SEMA5B: variants seen among roughly 807,000 people sequenced by gnomAD.
SEMA5B encodes the protein semaphorin-5B.
In SEMA5B, 66 loss-of-function variants were observed where a neutral mutation model predicts 135.0. The observed-to-expected ratio is 0.49, with a 90% CI of 0.40 to 0.60. The LOEUF is 0.60. Among genes scored for constraint, SEMA5B ranks in the 20% least tolerant of loss-of-function variants. SEMA5B has a pLI of 0.00. For missense variants in SEMA5B, 1,501 were observed against 1,566.3 expected (o/e 0.96, Z 0.70); for synonymous variants, 690 against 639.5 (o/e 1.08, Z -1.19).
chr3:122,957,055 A>G (rs182220560), intron 2 of SEMA5B, among the ~76,000 whole-genome samples: 73 of 152,310 alleles, frequency 4.8e-4, no homozygotes, highest in Middle Eastern at 6.8e-3. Context: ...GGAGAGAGGC[A>G]GAGAGGGAGA....
At chr3:123,014,695 G>A (rs1942514302) in intron 1 of SEMA5B, among the ~76,000 whole-genome samples, 1 of 152,228 alleles carries the variant, frequency 6.6e-6, no homozygotes, top group Non-Finnish European at 1.5e-5. Context: ...TACGTTGGCT[G>A]ACAGAGGCAG....
chr3:122,910,459 A>T (rs1340452149), intron 22 of SEMA5B, among the ~76,000 whole-genome samples, 158 bp from the exon 23 acceptor site: 1 of 152,160 alleles, frequency 6.6e-6, no homozygotes, highest in Non-Finnish European at 1.5e-5. Context: ...CACCCAGCTG[A>T]GGGCCAGAAC....
intron 1 of SEMA5B, among the ~76,000 whole-genome samples, chr3:122,967,878 G>A (rs938887785): frequency 2.0e-5 from 3 of 152,246 alleles, no homozygotes; most frequent in Non-Finnish European, 2.9e-5. Context: ...CTGGTGTCAA[G>A]ACTAAGCTCT....
At chr3:122,936,918 T>C (rs1939317176) in intron 5 of SEMA5B, among the ~76,000 whole-genome samples, 1 of 152,226 alleles carries the variant, frequency 6.6e-6, no homozygotes, top group Non-Finnish European at 1.5e-5. Context: ...AATTGTTTAA[T>C]AGGGGTTAGG....
Position 123,010,348 on chromosome 3 carries a change from T to C in SEMA5B, c.-39+17116A>G, listed in dbSNP as rs1942410406. Among the ~76,000 whole-genome samples, 3 of 152,298 alleles carry C rather than the reference T, an allele frequency of 2.0e-5. No individual in the cohort carries two copies. The South Asian group carries it at 6.2e-4, about 32-fold the overall frequency. On this transcript the variant is annotated intron_variant, in intron 1 of 22. Coordinates refer to ENST00000357599, the MANE Select transcript of SEMA5B (RefSeq NM_001031702.4). ...AGAATTTCTTCACCTCTAAAATGGG[T>C]ATAACAGTACCAAACTCAGAACTTA...
intron 5 of SEMA5B, among the ~76,000 whole-genome samples, chr3:122,935,554 G>C (rs1197284641): frequency 2.0e-5 from 3 of 152,022 alleles, no homozygotes; most frequent in Admixed American, 6.6e-5. Context: ...TTTCATCCTT[G>C]TACCTCATCC....
intron 1 of SEMA5B, among the ~76,000 whole-genome samples, chr3:122,996,700 T>C (rs750913705): frequency 1.3e-5 from 2 of 152,198 alleles, no homozygotes; most frequent in African/African-American, 2.4e-5. Context: ...ACCAGCCTCC[T>C]CAGCCCTTCA....
intron 2 of SEMA5B, among the ~76,000 whole-genome samples, chr3:122,953,268 C>T (rs1940137471): frequency 6.6e-6 from 1 of 152,138 alleles, no homozygotes. Flanking sequence ...CTCTGCCTCC[C>T]CGCCCCAGGT....
chr3:122,922,455 G>A lies in SEMA5B; in HGVS notation c.1273-8C>T, dbSNP rs1246894995. 13 of 1,584,978 alleles carry A rather than the reference G, an allele frequency of 8.2e-6. No individual in the cohort carries two copies. The highest frequency in any genetic ancestry group is 1.1e-5 in the Non-Finnish European group (13 of 1,166,732). ...CTCAGGCAGGGTGCCACACTGCCGC[G>A]GGGAGCCAGGTCACGCGCGCCCCGG... is the stretch of plus-strand genomic sequence containing the variant. On this transcript the variant is annotated splice_polypyrimidine_tract_variant and splice_region_variant and intron_variant, in intron 10 of 22. Coordinates refer to ENST00000357599, the MANE Select transcript of SEMA5B (RefSeq NM_001031702.4).
chr3:122,954,855 A>G (rs1940211955), intron 2 of SEMA5B, among the ~76,000 whole-genome samples: 1 of 149,742 alleles, frequency 6.7e-6, no homozygotes, highest in Admixed American at 6.7e-5. Context: ...GTGCAGTGGA[A>G]TGATCACAGC....
intron 1 of SEMA5B, among the ~76,000 whole-genome samples, chr3:123,014,517 G>C (rs1391602608): frequency 6.6e-6 from 1 of 152,218 alleles, no homozygotes; most frequent in East Asian, 1.9e-4. Flanking sequence ...ACATATAGCT[G>C]GTTGCACAGT....
Position 122,987,688 on chromosome 3 carries a change from T to G in SEMA5B, c.-38-26387A>C, listed in dbSNP as rs2107705131. ...TGTGCTATGGACGGACGCCCTGTAT[T>G]GGTCACTGGATTGCACACATACCTC... On this transcript the variant is annotated intron_variant, in intron 1 of 22. Transcript: ENST00000357599. Among the ~76,000 whole-genome samples the G allele has an allele frequency of 1.3e-5, 2 of 152,270 alleles. 1 individual carries two copies. Among genetic ancestry groups the G allele is most frequent in the South Asian group, 4.2e-4 (2 of 4,818 alleles).
chr3:122,930,568 G>A (rs1225820862), intron 5 of SEMA5B, among the ~76,000 whole-genome samples: 2 of 152,244 alleles, frequency 1.3e-5, no homozygotes, highest in South Asian at 2.1e-4. Context: ...AGCCCCGGAC[G>A]GTGGGCGGCT....
chr3:122,911,877 G>A, intron 20 of SEMA5B, 43 bp downstream of exon 20: 1 of 1,554,280 alleles, frequency 6.4e-7, no homozygotes, highest in South Asian at 1.2e-5. Context: ...TGGGAGTGCA[G>A]GCTGGGAAGG....
chr3:122,983,437 A>T (rs1478406730), intron 1 of SEMA5B, among the ~76,000 whole-genome samples: 5 of 152,018 alleles, frequency 3.3e-5, no homozygotes, highest in Non-Finnish European at 5.9e-5. Flanking sequence ...GTGCACAATA[A>T]ATCATCCGCG....
intron 1 of SEMA5B, among the ~76,000 whole-genome samples, chr3:122,983,411 G>T (rs1941590737): frequency 6.6e-6 from 1 of 152,088 alleles, no homozygotes; most frequent in African/African-American, 2.4e-5. Flanking sequence ...AGCTCAGGAA[G>T]CTGGAGCCTC....
intron 1 of SEMA5B, among the ~76,000 whole-genome samples, chr3:122,980,632 AATT>A (rs1338722325): frequency 6.6e-6 from 1 of 152,168 alleles, no homozygotes. Context: ...CAATGGCCCA[AATT>A]ATTATTATTT....
Position 122,942,378 on chromosome 3 carries a change from G to A in SEMA5B, c.428+1058C>T, listed in dbSNP as rs12495910. Among the ~76,000 whole-genome samples, 988 of 152,288 alleles carry A rather than the reference G, an allele frequency of 6.5e-3. 4 individuals are homozygous for A. Among genetic ancestry groups the A allele is most frequent in the Middle Eastern group, 0.01 (3 of 294 alleles). On this transcript the variant is annotated intron_variant, in intron 4 of 22. Coordinates refer to ENST00000357599, the MANE Select transcript of SEMA5B (RefSeq NM_001031702.4). ...TAAAGAAAGCTCCAGGGCAAGGATG[G>A]TCAGCTACAGCATGGCCCGGAAGTG...
chr3:123,014,717 T>C (rs754514809), intron 1 of SEMA5B, among the ~76,000 whole-genome samples: 1 of 152,170 alleles, frequency 6.6e-6, no homozygotes, highest in Admixed American at 6.5e-5. Flanking sequence ...ATCCGAAATA[T>C]CTTCATCAGC....
Sources: allele counts gnomAD v4.1 joint callset (sites outside exome capture counted in the v4.1 genomes callset), GRCh38; gene constraint gnomAD v4.1.1; transcripts MANE v1.5; gene names NCBI Gene and HGNC (gene_info 2026-07-23, HGNC 2026-07-21).